The following CNTN3 variants were observed in gnomAD, a reference collection of about 807,000 sequenced individuals.
The protein encoded by CNTN3 is contactin-3.
A neutral mutation model predicts 119.1 loss-of-function variants in CNTN3; 60 were observed. The ratio of observed to expected loss-of-function variants is 0.50; its 90% CI spans 0.41 to 0.62. CNTN3 has a LOEUF of 0.62. Among genes scored for constraint, CNTN3 ranks in the 20% least tolerant of loss-of-function variants. CNTN3 has a pLI of 0.00. For missense variants in CNTN3, 1,101 were observed against 1,242.4 expected, an observed-to-expected ratio of 0.89 and a Z score of 1.71; for synonymous variants, 450 against 438.7, an observed-to-expected ratio of 1.03 and a Z score of -0.32.
intron 19 of CNTN3, among the ~76,000 whole-genome samples, chr3:74,290,668 G>A (rs144580043): frequency 1.3e-5 from 2 of 152,222 alleles, no homozygotes; most frequent in Non-Finnish European, 2.9e-5. Flanking sequence ...TCTCATCTGA[G>A]GACTGCCATA....
intron 1 of CNTN3, among the ~76,000 whole-genome samples, chr3:74,596,946 T>C (rs943862855): frequency 9.9e-5 from 15 of 152,218 alleles, no homozygotes; most frequent in African/African-American, 3.4e-4. Flanking sequence ...GTAATCCCGT[T>C]ACCTTCCAGT....
intron 20 of CNTN3, among the ~76,000 whole-genome samples, chr3:74,284,463 A>G (rs1702071173): frequency 1.3e-5 from 2 of 152,188 alleles, no homozygotes; most frequent in Non-Finnish European, 2.9e-5. Flanking sequence ...TAGAGATAAT[A>G]ATGGCACCTA....
intron 4 of CNTN3, 90 bp from the exon 5 acceptor site, chr3:74,425,030 A>C: frequency 1.2e-6 from 1 of 845,058 alleles, no homozygotes. Context: ...TTAGAAAACA[A>C]TTTTAGTTTT....
chr3:74,372,960 G>A (rs1467066030), intron 5 of CNTN3, among the ~76,000 whole-genome samples: 1 of 152,160 alleles, frequency 6.6e-6, no homozygotes, highest in Non-Finnish European at 1.5e-5. Flanking sequence ...CATTCACGAT[G>A]CAAATGCAAA....
rs551079574 is a variant in CNTN3, at chr3:74,314,962, G to A, written c.1669-12155C>T. ...TCTTATTCACAGGGTGAGACAGGAG[G>A]TTGACACAAGATACGGGTCACAAAG... On this transcript the variant is annotated intron_variant, in intron 13 of 22. Transcript: ENST00000263665. 2.0e-5 allele frequency among the ~76,000 whole-genome samples: 3 copies of A among 152,274 alleles called. No individual in the cohort carries two copies. The East Asian group carries it at 5.8e-4, about 29-fold the overall frequency.
intron 1 of CNTN3, among the ~76,000 whole-genome samples, chr3:74,532,675 G>A (rs1254929374): frequency 6.6e-6 from 1 of 151,922 alleles, no homozygotes; most frequent in Non-Finnish European, 1.5e-5. Flanking sequence ...TAGCAGAATG[G>A]TGTGAGATTT....
chr3:74,611,998 G>A lies in CNTN3; in HGVS notation c.-81+2393C>T, dbSNP rs923377530. 2.6e-5 allele frequency among the ~76,000 whole-genome samples: 4 copies of A among 152,130 alleles called. 1 individual carries two copies. The highest frequency in any genetic ancestry group is 1.3e-4 in the Admixed American group (2 of 15,272). ...AACTGGTGATTGGAAACCAGTCAAA[G>A]CTTCTCTGTTTTGTAGTATTGCCAC... On this transcript the variant is annotated intron_variant, in intron 1 of 22. Transcript: ENST00000263665.
intron 4 of CNTN3, among the ~76,000 whole-genome samples, chr3:74,462,694 T>C (rs1702392189): frequency 6.6e-6 from 1 of 152,108 alleles, no homozygotes; most frequent in Non-Finnish European, 1.5e-5. Context: ...TCTATTGATA[T>C]TAAAGTAAGG....
At chr3:74,516,847 G>C in intron 2 of CNTN3, among the ~76,000 whole-genome samples, 1 of 143,882 alleles carries the variant, frequency 7.0e-6, no homozygotes, top group Admixed American at 6.8e-5. Context: ...GGAGTCACAA[G>C]ATGTCTGGCT....
intron 4 of CNTN3, among the ~76,000 whole-genome samples, chr3:74,474,525 G>A (rs576213676): frequency 2.6e-5 from 4 of 152,076 alleles, no homozygotes; most frequent in South Asian, 2.1e-4. Context: ...AGCAAGTCTC[G>A]CTCAGTCACT....
At chr3:74,345,450 C>A (rs1703666507) in intron 11 of CNTN3, among the ~76,000 whole-genome samples, 1 of 152,128 alleles carries the variant, frequency 6.6e-6, no homozygotes, top group Admixed American at 6.6e-5. Flanking sequence ...AACATCTACT[C>A]CAAGGCTTCT....
chr3:74,533,120 G>C (rs1187904864), intron 1 of CNTN3, among the ~76,000 whole-genome samples: 1 of 151,974 alleles, frequency 6.6e-6, no homozygotes, highest in African/African-American at 2.4e-5. Flanking sequence ...GATGATGCCT[G>C]GCCAGTGCCA....
chr3:74,594,486 T>C (rs1413792722), intron 1 of CNTN3, among the ~76,000 whole-genome samples: 1 of 151,636 alleles, frequency 6.6e-6, no homozygotes, highest in Non-Finnish European at 1.5e-5. Context: ...ATGTTCCCCT[T>C]CCTGTGTCCA....
chr3:74,497,706 C>T (rs752874665), intron 3 of CNTN3, among the ~76,000 whole-genome samples: 4 of 151,794 alleles, frequency 2.6e-5, no homozygotes, highest in Non-Finnish European at 4.4e-5. Context: ...AAACCTAAAA[C>T]TAATAAATCA....
chr3:74,348,938 T>C (rs1703755174), intron 11 of CNTN3, among the ~76,000 whole-genome samples: 2 of 151,674 alleles, frequency 1.3e-5, no homozygotes, highest in Admixed American at 1.3e-4. Context: ...ATATAAAAAT[T>C]ACCAAGGTGT....
At chr3:74,519,717 T>C (rs888980216) in intron 2 of CNTN3, among the ~76,000 whole-genome samples, 10 of 151,720 alleles carry the variant, frequency 6.6e-5, no homozygotes, top group Non-Finnish European at 1.2e-4. Context: ...TATTTTACCA[T>C]ATTGAACTTT....
chr3:74,557,864 G>C (rs368839245), intron 1 of CNTN3, among the ~76,000 whole-genome samples: 7 of 152,226 alleles, frequency 4.6e-5, no homozygotes, highest in African/African-American at 1.7e-4. Flanking sequence ...GCTGCTCCCT[G>C]GTAAATTTTT....
chr3:74,334,330 A>G (rs1193786492), intron 13 of CNTN3, among the ~76,000 whole-genome samples: 2 of 152,148 alleles, frequency 1.3e-5, no homozygotes, highest in Non-Finnish European at 2.9e-5. Context: ...GTGATGATGT[A>G]CCCTGGCCTG....
At chr3:74,456,971 C>T (rs955537263) in intron 4 of CNTN3, among the ~76,000 whole-genome samples, 29 of 152,012 alleles carry the variant, frequency 1.9e-4, no homozygotes, top group East Asian at 9.7e-4. Context: ...ATAATTCAAA[C>T]GGCCAATAAA....
Sources: gnomAD v4.1 joint callset for allele counts (sites outside exome capture counted in the v4.1 genomes callset) on GRCh38, gnomAD v4.1.1 for gene constraint, MANE v1.5 for transcripts, NCBI Gene and HGNC (gene_info 2026-07-23, HGNC 2026-07-21) for gene names.